ITGA4: variants seen among roughly 807,000 people sequenced by gnomAD.
ITGA4 encodes integrin alpha-4.
In ITGA4, 63 loss-of-function variants were observed where a neutral mutation model predicts 133.6. That is an observed-to-expected ratio of 0.47 (90% CI 0.38 to 0.58). The LOEUF (loss-of-function observed/expected upper bound fraction) is 0.58. Among genes scored for constraint, ITGA4 ranks in the 20% least tolerant of loss-of-function variants. ITGA4 has a pLI of 0.00. For synonymous variants in ITGA4, 483 were observed against 438.0 expected (o/e 1.10, Z -1.28); for missense variants, 1,076 against 1,252.7 (o/e 0.86, Z 2.13).
rs2105705184 is a variant in ITGA4, at chr2:181,457,470, C to T, written c.-185C>T. 1.7e-6 allele frequency: 1 copy of T among 592,122 alleles called. No individual in the cohort carries two copies. The highest frequency in any genetic ancestry group is 3.3e-5 in the East Asian group (1 of 30,464). The allele number at this position is 592,122 out of a possible 1,614,324, so 36.7% of individuals were successfully genotyped here. Reference sequence around the variant, plus strand: ...CGAGTGCGCGGCATCCCAGGCCGGCCCGAACGCTCCGCCCGCGGTGGGCCG... The same window carrying T: ...CGAGTGCGCGGCATCCCAGGCCGGCTCGAACGCTCCGCCCGCGGTGGGCCG... On this transcript the variant is annotated 5_prime_UTR_variant, in exon 1 of 28. Coordinates refer to ENST00000397033, the MANE Select transcript of ITGA4 (RefSeq NM_000885.6).
At chr2:181,510,163 T>C (rs1686479688) in intron 16 of ITGA4, among the ~76,000 whole-genome samples, 1 of 152,136 alleles carries the variant, frequency 6.6e-6, no homozygotes, top group South Asian at 2.1e-4. Flanking sequence ...CAGTTTATCT[T>C]CCTCTTCTCA....
chr2:181,509,615 C>G, intron 15 of ITGA4, 43 bp from the exon 16 acceptor site: 1 of 1,479,880 alleles, frequency 6.8e-7, no homozygotes, highest in Non-Finnish European at 9.0e-7. Flanking sequence ...TTTTAATCTA[C>G]GTGCTTGTTT....
intron 4 of ITGA4, among the ~76,000 whole-genome samples, 199 bp downstream of exon 4, chr2:181,475,487 A>T (rs2305591): frequency 0.54 from 82,360 of 151,996 alleles, 22,600 homozygotes; most frequent in Admixed American, 0.66. Flanking sequence ...TGCTATAAAA[A>T]TTCTACAATT....
At chr2:181,457,298 C>A (rs1268331730), upstream of ITGA4, 1 of 227,088 alleles carries the variant, frequency 4.4e-6, no homozygotes, top group African/African-American at 2.3e-5. Context: ...TCCCCAGCGC[C>A]CCCTGCAGCC....
chr2:181,487,623 CAAAAA>C (rs1356964622), intron 10 of ITGA4, among the ~76,000 whole-genome samples: 2 of 152,032 alleles, frequency 1.3e-5, no homozygotes, highest in Non-Finnish European at 1.5e-5. Context: ...TGATTAAAAA[CAAAAA>C]ATAAAATGTT....
intron 27 of ITGA4, 132 bp downstream of exon 27, chr2:181,535,067 T>C: frequency 1.1e-6 from 1 of 941,610 alleles, no homozygotes; most frequent in South Asian, 2.6e-5. Context: ...TCAGTACTGA[T>C]CTCACATTTC....
intron 2 of ITGA4, among the ~76,000 whole-genome samples, chr2:181,471,427 A>G (rs1685548004): frequency 6.6e-6 from 1 of 152,202 alleles, no homozygotes; most frequent in African/African-American, 2.4e-5. Context: ...CTTAACAAAA[A>G]TGAAAATACT....
rs908247553 is a variant in ITGA4, at chr2:181,457,942, C to T, written c.197+91C>T. On this transcript the variant is annotated intron_variant, in intron 1 of 27. Coordinates refer to ENST00000397033, the MANE Select transcript of ITGA4 (RefSeq NM_000885.6). Reference sequence around the variant, plus strand: ...TTCCCTGCCCGATTCAAACTTTCCTCCCTCCCAAGGAGGCAGGAGGGAAAC... The same window carrying T: ...TTCCCTGCCCGATTCAAACTTTCCTTCCTCCCAAGGAGGCAGGAGGGAAAC... 17 of 1,286,624 alleles carry T rather than the reference C, an allele frequency of 1.3e-5. No homozygotes were observed. In the African/African-American group the frequency reaches 2.1e-4, roughly 16 times the overall value. 79.7% of individuals were successfully genotyped at this position (1,286,624 alleles called of 1,614,324 possible). A position where few individuals can be genotyped will look rare whatever the true frequency, so the allele number is the denominator to read the frequency against.
At chr2:181,500,087 T>C (rs977415130) in intron 15 of ITGA4, among the ~76,000 whole-genome samples, 25 of 152,192 alleles carry the variant, frequency 1.6e-4, no homozygotes, top group Non-Finnish European at 3.7e-4. Context: ...GATTCAGCCA[T>C]TGCCTTTGTA....
rs190730565 is a variant in ITGA4, at chr2:181,538,127, C to T, written c.*2600C>T. On this transcript the variant is annotated 3_prime_UTR_variant, in exon 28 of 28. Transcript: ENST00000397033. ...GGGGACCACAGGTTTAAAGCATGGC[C>T]ACATTTCTTTATATTAAAATTCTAG... 4 of 1,204,770 alleles carry T rather than the reference C, an allele frequency of 3.3e-6. No homozygotes were observed. The highest frequency in any genetic ancestry group is 3.7e-6 in the Non-Finnish European group (3 of 814,736). 74.6% of individuals were successfully genotyped at this position (1,204,770 alleles called of 1,614,324 possible).
rs140809873 is a variant in ITGA4, at chr2:181,500,849, T to G, written c.1695+2072T>G. On this transcript the variant is annotated intron_variant, in intron 15 of 27. Transcript: ENST00000397033. ...AAAAACATCACTACCCTCATGGAGC[T>G]TATAGTCTACTGGGGTGAGAAAAAA... Among the ~76,000 whole-genome samples, 1,066 of 152,236 alleles carry G rather than the reference T, an allele frequency of 7.0e-3. 15 individuals are homozygous for G. Among genetic ancestry groups the G allele is most frequent in the African/African-American group, 0.024 (1,008 of 41,536 alleles).
chr2:181,488,726 T>G (rs540324379), intron 10 of ITGA4, among the ~76,000 whole-genome samples: 1 of 151,856 alleles, frequency 6.6e-6, no homozygotes, highest in Non-Finnish European at 1.5e-5. Context: ...CCCAGCTAAT[T>G]TTTTTGTGTT....
At chr2:181,481,368 T>C (rs1347286680) in intron 6 of ITGA4, among the ~76,000 whole-genome samples, 3 of 152,186 alleles carry the variant, frequency 2.0e-5, no homozygotes, top group African/African-American at 7.2e-5. Context: ...CTATTTTCAA[T>C]TTCTAGGACT....
At chr2:181,493,792 CAG>C (rs1205996565) in intron 11 of ITGA4, among the ~76,000 whole-genome samples, 1 of 152,178 alleles carries the variant, frequency 6.6e-6, no homozygotes, top group Non-Finnish European at 1.5e-5. Context: ...GAAGATTGCA[CAG>C]GGAGATCAAA....
chr2:181,507,167 A>G (rs1040124178), intron 15 of ITGA4, among the ~76,000 whole-genome samples: 3 of 152,140 alleles, frequency 2.0e-5, no homozygotes, highest in African/African-American at 7.2e-5. Context: ...GTATAGCAAC[A>G]ATTCTAATAC....
Position 181,523,453 on chromosome 2 carries a change from A to G in ITGA4, c.2090A>G (p.Asn697Ser). ...KILELEEKQI[N>S]CEVTDNSGVV... Reference sequence around the variant, plus strand: ...TCCCATTAGGAAGAGAAGCAAATAAACTGTGAAGTCACAGATAACTCTGGC... The same window carrying G: ...TCCCATTAGGAAGAGAAGCAAATAAGCTGTGAAGTCACAGATAACTCTGGC... Residue 697 changes from asparagine to serine, a missense_variant, in exon 19 of 28, where the codon AAC becomes AGC. Physicochemically the swap from Asn to Ser is conservative, Grantham distance 46. Around this residue, in one of 4 missense-constraint regions of ITGA4, gnomAD observed 365 missense variants for 421.4 expected, o/e 0.87. Transcript: ENST00000397033. The surrounding 1 kb of genome is among the most constrained non-coding windows in gnomAD (Gnocchi z 4.2). 1 of 1,606,304 alleles carries G rather than the reference A, an allele frequency of 6.2e-7. No individual in the cohort carries two copies. Among genetic ancestry groups the G allele is most frequent in the Non-Finnish European group, 8.5e-7 (1 of 1,173,088 alleles).
At chr2:181,482,998 A>G (rs958944331) in intron 9 of ITGA4, among the ~76,000 whole-genome samples, 2 of 152,158 alleles carry the variant, frequency 1.3e-5, no homozygotes, top group African/African-American at 4.8e-5. Flanking sequence ...TAGATTTCTT[A>G]ATAGTTCTAG....
Position 181,496,006 on chromosome 2 carries a change from G to T in ITGA4, c.1540+69G>T, listed in dbSNP as rs1457699325. On this transcript the variant is annotated intron_variant, in intron 14 of 27. Coordinates refer to ENST00000397033, the MANE Select transcript of ITGA4 (RefSeq NM_000885.6). ...ATTCATTAATCCCACAATCCTGCTT[G>T]GAGCCCTCACCGGTTTTCACCACGG... 6 of 1,505,594 alleles carry T rather than the reference G, an allele frequency of 4.0e-6. No homozygotes were observed. The East Asian group carries it at 1.1e-4, about 29-fold the overall frequency. The allele number at this position is 1,505,594 out of a possible 1,614,324, so 93.3% of individuals were successfully genotyped here. A position where few individuals can be genotyped will look rare whatever the true frequency, so the allele number is the denominator to read the frequency against.
intron 21 of ITGA4, among the ~76,000 whole-genome samples, chr2:181,526,821 C>CTTTTTTTTTTTTTT (rs538208494): frequency 0.026 from 1,082 of 40,932 alleles, 357 homozygotes; most frequent in Middle Eastern, 0.083. Context: ...AGCACATGGC[C>CTTTTTTTTTTTTTT]TTTTTTTTTT....
Sources: gnomAD v4.1 joint callset for allele counts (sites outside exome capture counted in the v4.1 genomes callset) on GRCh38, gnomAD v4.1.1 for gene constraint, gnomAD v4.1.1 regional missense constraint, Gnocchi (gnomAD v3.1) non-coding constraint, MANE v1.5 for transcripts, NCBI Gene and HGNC (gene_info 2026-07-23, HGNC 2026-07-21) for gene names.